Variants in KIAA1549L observed in about 807,000 individuals in gnomAD.
The protein encoded by KIAA1549L is KIAA1549 like.
In KIAA1549L, 88 loss-of-function variants were observed where a neutral mutation model predicts 160.7. The ratio of observed to expected loss-of-function variants is 0.55; its 90% confidence interval spans 0.46 to 0.65. The LOEUF (loss-of-function observed/expected upper bound fraction) is 0.65, where lower values mean the gene tolerates loss of function less well. Ranked by LOEUF, KIAA1549L falls within the 30% of genes least tolerant of loss-of-function variation. The probability of loss-of-function intolerance (pLI) is 0.00; values close to 1 mark genes in which losing one functional copy is unlikely to be tolerated. For synonymous variants in KIAA1549L, 950 were observed against 976.7 expected (o/e 0.97, Z 0.51); for missense variants, 2,258 against 2,437.5 (o/e 0.93, Z 1.55).
Position 33,543,061 on chromosome 11 carries a change from G to A in KIAA1549L, c.1498G>A (p.Asp500Asn), listed in dbSNP as rs779849740. Residue 500 changes from aspartate (D) to asparagine (N), a missense_variant, in exon 2 of 21, where the codon GAC becomes AAC. Asp to Asn is a conservative substitution (Grantham distance 23, BLOSUM62 1). This residue lies in a region of KIAA1549L where 540 missense variants were observed against 465.7 expected (regional missense o/e 1.16). Coordinates refer to ENST00000658780, the MANE Select transcript of KIAA1549L (RefSeq NM_012194.3). ...VPASPSTGTA[D>N]FPSILTFLQP... is the part of the protein sequence containing the mutation. ...CGCATCACCATCAACTGGGACAGCC[G>A]ACTTTCCCTCCATACTTACTTTCCT... The A allele has an allele frequency of 1.2e-5, 20 of 1,613,726 alleles. 1 individual carries two copies. Among genetic ancestry groups the A allele is most frequent in the South Asian group, 8.8e-5 (8 of 91,084 alleles).
Position 33,585,509 on chromosome 11 carries a change from ACTCCGT to A in KIAA1549L, c.4566+2012_4566+2017del, listed in dbSNP as rs879876117. Among the ~76,000 whole-genome samples the A allele has an allele frequency of 3.2e-4, 48 of 151,976 alleles. 1 individual carries two copies. The highest frequency in any genetic ancestry group is 6.8e-3 in the Middle Eastern group (2 of 294). On this transcript the variant is annotated intron_variant, in intron 11 of 20. Coordinates refer to ENST00000658780, the MANE Select transcript of KIAA1549L (RefSeq NM_012194.3). ...CTCTAGCCTGGGCAACAAGAGCAAA[ACTCCGT>A]CTCAAAAAATAAAAAAATAAAAAAT...
Position 33,672,383 on chromosome 11 carries a change from A to G in KIAA1549L, c.*4229A>G, listed in dbSNP as rs750624590. The G allele has an allele frequency of 1.3e-5, 2 of 152,296 alleles. No individual in the cohort carries two copies. Among genetic ancestry groups the G allele is most frequent in the African/African-American group, 2.4e-5 (1 of 41,430 alleles). The allele number at this position is 152,296 out of a possible 1,614,324, so 9.4% of individuals were successfully genotyped here. Reference sequence around the variant, plus strand: ...TTTGAGGATCTGATTGGTTTAGTTCATCTGCCTATGGGTGAGCCACCCTGG... The same window carrying G: ...TTTGAGGATCTGATTGGTTTAGTTCGTCTGCCTATGGGTGAGCCACCCTGG... On this transcript the variant is annotated 3_prime_UTR_variant, in exon 21 of 21. Coordinates refer to ENST00000658780, the MANE Select transcript of KIAA1549L (RefSeq NM_012194.3).
intron 6 of KIAA1549L, among the ~76,000 whole-genome samples, chr11:33,552,521 C>T (rs1854496771): frequency 6.6e-6 from 1 of 152,046 alleles, no homozygotes; most frequent in Non-Finnish European, 1.5e-5. Flanking sequence ...CTAGGCTGTA[C>T]TGTATATGTC....
chr11:33,520,484 A>G (rs1014125122), intron 1 of KIAA1549L, among the ~76,000 whole-genome samples: 4 of 152,256 alleles, frequency 2.6e-5, no homozygotes, highest in Non-Finnish European at 5.9e-5. Flanking sequence ...CTATGAGCTC[A>G]TGGACCAGTG....
chr11:33,566,572 C>T (rs1281087248), intron 8 of KIAA1549L, among the ~76,000 whole-genome samples: 1 of 152,170 alleles, frequency 6.6e-6, no homozygotes, highest in Non-Finnish European at 1.5e-5. Flanking sequence ...GCTTTTATAC[C>T]CTCCAGGGGG....
intron 8 of KIAA1549L, among the ~76,000 whole-genome samples, chr11:33,566,960 T>G (rs2133230972): frequency 6.6e-6 from 1 of 152,364 alleles, no homozygotes. Context: ...TGACCGTGTT[T>G]GAAGGCAGCC....
At chr11:33,403,529 C>CACAG (rs879929150) in intron 1 of KIAA1549L, 3,178 of 141,694 alleles carry the variant, frequency 0.022, 61 homozygotes, top group African/African-American at 0.061. Context: ...GACACGCAGA[C>CACAG]ACACACACGC....
chr11:33,667,220 A>G (rs931692780), intron 20 of KIAA1549L, among the ~76,000 whole-genome samples: 1 of 152,162 alleles, frequency 6.6e-6, no homozygotes, highest in East Asian at 1.9e-4. Context: ...AGTAATAAAA[A>G]TAAGGTAGCC....
At chr11:33,616,154 C>G (rs1208341949) in intron 15 of KIAA1549L, among the ~76,000 whole-genome samples, 2 of 152,152 alleles carry the variant, frequency 1.3e-5, no homozygotes, top group Non-Finnish European at 2.9e-5. Context: ...AAGGTCCAGG[C>G]TTCGGCTTGG....
At position 33,645,878 on chromosome 11, in the gene KIAA1549L, G is replaced by A. The variant is rs61735321; in HGVS notation, c.5602G>A (p.Gly1868Ser). The A allele has an allele frequency of 1.8e-3, 2,861 of 1,613,786 alleles. 44 individuals carry two copies. The African/African-American group carries it at 0.032, about 18-fold the overall frequency. ...AFSLASAGHA[G>S]QSRHQEAYGS... ...CAGCCTGGCATCCGCGGGCCACGCA[G>A]GCCAGAGCCGGCACCAAGAGGCCTA... The change falls in exon 17 of 21, where the codon GGC (glycine) becomes AGC (serine). Residue 1868 changes from glycine (G) to serine (S), a missense_variant. Around this residue, in one of 6 missense-constraint regions of KIAA1549L, gnomAD observed 1,359 missense variants for 1,546.6 expected, o/e 0.88. Transcript: ENST00000658780.
intron 1 of KIAA1549L, among the ~76,000 whole-genome samples, chr11:33,402,084 A>T (rs976969376): frequency 1.3e-5 from 2 of 152,116 alleles, no homozygotes; most frequent in Admixed American, 6.5e-5. Context: ...GTGACTCACA[A>T]TGTTACAACT....
At chr11:33,550,281 C>G (rs1854414598) in intron 4 of KIAA1549L, among the ~76,000 whole-genome samples, 1 of 151,634 alleles carries the variant, frequency 6.6e-6, no homozygotes, top group Admixed American at 6.6e-5. Context: ...ACTCTTTTCT[C>G]TGTTTTTCAA....
intron 12 of KIAA1549L, among the ~76,000 whole-genome samples, chr11:33,596,133 G>A (rs2133297887): frequency 6.6e-6 from 1 of 152,264 alleles, no homozygotes; most frequent in Non-Finnish European, 1.5e-5. Context: ...TCAGAATGGG[G>A]ACTTTTGCAT....
chr11:33,671,794 A>G lies in KIAA1549L; in HGVS notation c.*3640A>G, dbSNP rs982780342. 2 of 152,260 alleles carry G rather than the reference A, an allele frequency of 1.3e-5. No homozygotes were observed. Among genetic ancestry groups the G allele is most frequent in the African/African-American group, 4.8e-5 (2 of 41,476 alleles). 9.4% of individuals were successfully genotyped at this position (152,260 alleles called of 1,614,324 possible). ...AGGTGCTCAACATTTAATGAATAATATAACAGATACTGTCTTAAAAGTTTA... is the reference window on the plus strand; with the variant it reads ...AGGTGCTCAACATTTAATGAATAATGTAACAGATACTGTCTTAAAAGTTTA... On this transcript the variant is annotated 3_prime_UTR_variant, in exon 21 of 21. Coordinates refer to ENST00000658780, the MANE Select transcript of KIAA1549L (RefSeq NM_012194.3).
At chr11:33,397,847 T>C (rs963176917) in intron 1 of KIAA1549L, among the ~76,000 whole-genome samples, 5 of 138,558 alleles carry the variant, frequency 3.6e-5, no homozygotes, top group Non-Finnish European at 6.5e-5. Context: ...AAAAATCATA[T>C]AGTTTTTTTT....
At chr11:33,473,191 G>T (rs372198505) in intron 1 of KIAA1549L, among the ~76,000 whole-genome samples, 8 of 152,298 alleles carry the variant, frequency 5.3e-5, no homozygotes, top group African/African-American at 1.9e-4. Flanking sequence ...GGCTATTAGG[G>T]TACCCCCAAA....
intron 1 of KIAA1549L, among the ~76,000 whole-genome samples, chr11:33,377,199 A>G (rs987277273): frequency 2.6e-5 from 4 of 152,146 alleles, no homozygotes; most frequent in African/African-American, 9.7e-5. Context: ...TCATTAGAAC[A>G]CGTTTCAGGG....
chr11:33,398,295 A>G lies in KIAA1549L; in HGVS notation c.238+21406A>G, dbSNP rs566549659. On this transcript the variant is annotated intron_variant, in intron 1 of 20. Coordinates refer to ENST00000658780, the MANE Select transcript of KIAA1549L (RefSeq NM_012194.3). ...AATGTAAAAAAAAAAAAAAGGTAACATCAGGCCTGCATCCACTCTATACCA... is the reference window on the plus strand; with the variant it reads ...AATGTAAAAAAAAAAAAAAGGTAACGTCAGGCCTGCATCCACTCTATACCA... 1.8e-4 allele frequency among the ~76,000 whole-genome samples: 27 copies of G among 152,062 alleles called. No individual in the cohort carries two copies. In the South Asian group the frequency reaches 5.6e-3, roughly 32 times the overall value.
chr11:33,592,504 T>C (rs1477367824), intron 12 of KIAA1549L, among the ~76,000 whole-genome samples: 2 of 152,228 alleles, frequency 1.3e-5, no homozygotes, highest in African/African-American at 2.4e-5. Context: ...CTATGGAGAC[T>C]GAAAAAACTA....
Sources: allele counts gnomAD v4.1 joint callset (sites outside exome capture counted in the v4.1 genomes callset), GRCh38; gene constraint gnomAD v4.1.1; regional missense constraint gnomAD v4.1.1; transcripts MANE v1.5; gene names NCBI Gene and HGNC (gene_info 2026-07-23, HGNC 2026-07-21).